The following TNS3 variants were observed in gnomAD, a reference collection of about 807,000 sequenced individuals.
TNS3 encodes tensin-3.
A neutral mutation model predicts 140.9 loss-of-function variants in TNS3; 45 were observed. The ratio of observed to expected loss-of-function variants is 0.32; its 90% CI spans 0.25 to 0.41. The LOEUF is 0.41. TNS3 is among the 10% of genes least tolerant of loss of function. TNS3 has a pLI of 1.00. For synonymous variants in TNS3, 815 were observed against 788.4 expected (o/e 1.03, Z -0.56); for missense variants, 1,716 against 1,906.7 (o/e 0.90, Z 1.86).
intron 2 of TNS3, among the ~76,000 whole-genome samples, chr7:47,516,587 G>A (rs367789212): frequency 2.6e-5 from 4 of 152,148 alleles, no homozygotes; most frequent in East Asian, 3.8e-4. Context: ...CACCCACAGT[G>A]ACTGTGCCCG....
chr7:47,428,989 GA>G lies in TNS3; in HGVS notation c.325-614del, dbSNP rs562421039. ...ACCAGCAACACCAGCAGGAGAAGCA[GA>G]AACTATTGGACAGGCCACCTTCACC... On this transcript the variant is annotated intron_variant, in intron 8 of 30. Coordinates refer to ENST00000311160, the MANE Select transcript of TNS3 (RefSeq NM_022748.12). Among the ~76,000 whole-genome samples, 235 of 152,294 alleles carry G rather than the reference GA, an allele frequency of 1.5e-3. 1 individual carries two copies. The highest frequency in any genetic ancestry group is 2.6e-3 in the Non-Finnish European group (177 of 68,032).
chr7:47,545,944 G>T (rs1006326583), intron 1 of TNS3, among the ~76,000 whole-genome samples: 1 of 152,162 alleles, frequency 6.6e-6, no homozygotes, highest in African/African-American at 2.4e-5. Context: ...ACAGTCTTGG[G>T]GGAACCCTAG....
rs774626080 is a variant in TNS3 at position 47,369,416 on chromosome 7, G to A, written c.1230C>T (p.Ala410=). 1.2e-6 allele frequency: 2 copies of A among 1,613,928 alleles called. No individual in the cohort carries two copies. Among genetic ancestry groups the A allele is most frequent in the African/African-American group, 1.3e-5 (1 of 74,880 alleles). ...CACTCAGGCCCCTCCTGGTTCCTGGGGCCAGGCGCTCTTCCGTCTTATCCG... is the reference window on the plus strand; with the variant it reads ...CACTCAGGCCCCTCCTGGTTCCTGGAGCCAGGCGCTCTTCCGTCTTATCCG... ...ARTDKTEERL[A]PGTRRGLSAQ... is the part of the protein sequence containing the mutation. The change falls in exon 17 of 31, where the codon GCC becomes GCT. Residue 410 remains alanine, a synonymous_variant. Coordinates refer to ENST00000311160, the MANE Select transcript of TNS3 (RefSeq NM_022748.12).
chr7:47,530,856 T>TATATATATATATATAC (rs1799380093), intron 1 of TNS3, among the ~76,000 whole-genome samples: 1 of 127,754 alleles, frequency 7.8e-6, no homozygotes, highest in Non-Finnish European at 1.7e-5. Flanking sequence ...TATATATATA[T>TATATATATATATATAC]ATTTCTAGCA....
At chr7:47,503,057 C>T (rs1206083441) in intron 3 of TNS3, among the ~76,000 whole-genome samples, 1 of 152,166 alleles carries the variant, frequency 6.6e-6, no homozygotes, top group East Asian at 1.9e-4. Flanking sequence ...CTGTGCAGGG[C>T]ATCTCCCCAA....
intron 20 of TNS3, 108 bp from the exon 21 acceptor site, chr7:47,305,111 T>G: frequency 1.1e-6 from 1 of 926,626 alleles, no homozygotes; most frequent in Non-Finnish European, 1.4e-6. Flanking sequence ...ACTTTGAGGC[T>G]TTCTGTCATC....
At chr7:47,415,786 G>A (rs1385876573) in intron 10 of TNS3, among the ~76,000 whole-genome samples, 1 of 152,238 alleles carries the variant, frequency 6.6e-6, no homozygotes, top group African/African-American at 2.4e-5. Flanking sequence ...CTCCAAAGGC[G>A]AAGGCCATGT....
At chr7:47,386,264 C>A (rs1792063002) in intron 16 of TNS3, among the ~76,000 whole-genome samples, 1 of 152,162 alleles carries the variant, frequency 6.6e-6, no homozygotes, top group South Asian at 2.1e-4. Flanking sequence ...TGGAGGGGGT[C>A]CCCCCACATC....
Position 47,305,152 on chromosome 7 carries a change from C to T in TNS3, c.2651-149G>A, listed in dbSNP as rs893676085. 37 of 555,194 alleles carry T rather than the reference C, an allele frequency of 6.7e-5. No individual in the cohort carries two copies. In the African/African-American group the frequency reaches 7.2e-4, roughly 11 times the overall value. The allele number at this position is 555,194 out of a possible 1,614,324, so 34.4% of individuals were successfully genotyped here. On this transcript the variant is annotated intron_variant, in intron 20 of 30. Coordinates refer to ENST00000311160, the MANE Select transcript of TNS3 (RefSeq NM_022748.12). ...CCATACTGAACATGACATCACTACC[C>T]GTAATAGGCTGGAGGAGGCGGCCAG...
intron 13 of TNS3, among the ~76,000 whole-genome samples, chr7:47,411,050 A>G (rs892930317): frequency 6.6e-6 from 1 of 152,234 alleles, no homozygotes; most frequent in Admixed American, 6.5e-5. Flanking sequence ...TTAATGATAC[A>G]TAAATATTCT....
chr7:47,555,815 A>G (rs1285084110), intron 1 of TNS3, among the ~76,000 whole-genome samples: 1 of 152,272 alleles, frequency 6.6e-6, no homozygotes, highest in Non-Finnish European at 1.5e-5. Context: ...ACTACAGCTT[A>G]GTATAATCAA....
intron 1 of TNS3, among the ~76,000 whole-genome samples, chr7:47,566,581 G>C (rs1800433040): frequency 6.6e-6 from 1 of 152,152 alleles, no homozygotes; most frequent in Admixed American, 6.5e-5. Context: ...AAACAGTTAA[G>C]AACTACCACT....
intron 3 of TNS3, among the ~76,000 whole-genome samples, chr7:47,495,560 C>T (rs1797976063): frequency 6.6e-6 from 1 of 152,154 alleles, no homozygotes; most frequent in Non-Finnish European, 1.5e-5. Context: ...CCTCTCCCAG[C>T]CTGAACTCAG....
At chr7:47,305,491 G>C (rs1424236402) in intron 20 of TNS3, among the ~76,000 whole-genome samples, 6 of 152,352 alleles carry the variant, frequency 3.9e-5, no homozygotes, top group African/African-American at 1.2e-4. Context: ...GGCGGCCTAG[G>C]TGTCCTCCAC....
chr7:47,345,520 CTTTT>C (rs1428988406), intron 18 of TNS3, among the ~76,000 whole-genome samples: 1 of 152,204 alleles, frequency 6.6e-6, no homozygotes, highest in South Asian at 2.1e-4. Flanking sequence ...CTATGAATAG[CTTTT>C]TTTTCTTGTG....
At chr7:47,433,207 G>A (rs1278773659) in intron 8 of TNS3, among the ~76,000 whole-genome samples, 1 of 152,252 alleles carries the variant, frequency 6.6e-6, no homozygotes, top group African/African-American at 2.4e-5. Flanking sequence ...GGAAGGAAAC[G>A]CGCATTCTGC....
chr7:47,519,747 G>C (rs532439225), intron 2 of TNS3, among the ~76,000 whole-genome samples: 1 of 151,870 alleles, frequency 6.6e-6, no homozygotes, highest in African/African-American at 2.4e-5. Context: ...CTAGGTTAGG[G>C]GCCGTCTGGC....
At chr7:47,323,619 C>T (rs1787872240) in intron 20 of TNS3, among the ~76,000 whole-genome samples, 1 of 152,222 alleles carries the variant, frequency 6.6e-6, no homozygotes. Flanking sequence ...GAGCAACTAG[C>T]AGACATCATC....
chr7:47,483,325 A>G (rs1461705588), intron 3 of TNS3, among the ~76,000 whole-genome samples: 1 of 151,816 alleles, frequency 6.6e-6, no homozygotes, highest in Non-Finnish European at 1.5e-5. Flanking sequence ...GCCCGCCACC[A>G]CGCCTGGCTA....
Sources: allele counts gnomAD v4.1 joint callset (sites outside exome capture counted in the v4.1 genomes callset), GRCh38; gene constraint gnomAD v4.1.1; transcripts MANE v1.5; gene names NCBI Gene and HGNC (gene_info 2026-07-23, HGNC 2026-07-21).